Variants in UNC5C observed in about 807,000 individuals in gnomAD.
The protein encoded by UNC5C is unc-5 netrin receptor C, also known as netrin receptor UNC5C.
A neutral mutation model predicts 99.8 loss-of-function variants in UNC5C; 47 were observed. That is an observed-to-expected ratio of 0.47 (90% CI 0.37 to 0.60). The LOEUF (loss-of-function observed/expected upper bound fraction) is 0.60. Among genes scored for constraint, UNC5C ranks in the 20% least tolerant of loss-of-function variants. The pLI is 0.00. For synonymous variants in UNC5C, 487 were observed against 452.2 expected (o/e 1.08, Z -0.98); for missense variants, 1,062 against 1,165.9 (o/e 0.91, Z 1.30).
intron 4 of UNC5C, among the ~76,000 whole-genome samples, chr4:95,273,629 A>C (rs1740744956): frequency 6.6e-6 from 1 of 152,230 alleles, no homozygotes; most frequent in South Asian, 2.1e-4. Context: ...GGAAGAAAAC[A>C]ATCACATTTT....
At chr4:95,539,540 G>A (rs970281424) in intron 1 of UNC5C, among the ~76,000 whole-genome samples, 1 of 152,138 alleles carries the variant, frequency 6.6e-6, no homozygotes, top group African/African-American at 2.4e-5. Flanking sequence ...TGTTTTATAA[G>A]TTAAAAAGTT....
At chr4:95,330,967 C>T (rs1743088720) in intron 2 of UNC5C, among the ~76,000 whole-genome samples, 1 of 152,072 alleles carries the variant, frequency 6.6e-6, no homozygotes, top group African/African-American at 2.4e-5. Context: ...ACCCCCCTCA[C>T]CCACCTGCAT....
chr4:95,466,167 G>A (rs948037155), intron 1 of UNC5C, among the ~76,000 whole-genome samples: 4 of 152,100 alleles, frequency 2.6e-5, no homozygotes, highest in Middle Eastern at 6.3e-3. Context: ...AAATGACAAG[G>A]TTCTGACATC....
intron 1 of UNC5C, among the ~76,000 whole-genome samples, chr4:95,460,464 G>A (rs1578175744): frequency 6.6e-6 from 1 of 152,082 alleles, no homozygotes; most frequent in East Asian, 1.9e-4. Flanking sequence ...GACCTGCTGG[G>A]AGATAACTGA....
At chr4:95,346,966 G>A (rs1743798424) in intron 1 of UNC5C, among the ~76,000 whole-genome samples, 1 of 151,928 alleles carries the variant, frequency 6.6e-6, no homozygotes, top group Non-Finnish European at 1.5e-5. Flanking sequence ...TGGAAAGAAA[G>A]AAGTCAAATT....
chr4:95,212,495 T>C (rs1009071461), intron 10 of UNC5C, among the ~76,000 whole-genome samples: 10 of 152,348 alleles, frequency 6.6e-5, no homozygotes, highest in African/African-American at 2.4e-4. Context: ...AGTACTGTGC[T>C]AGATGCAAAC....
chr4:95,191,171 G>A (rs774905995), intron 12 of UNC5C, among the ~76,000 whole-genome samples: 27 of 152,092 alleles, frequency 1.8e-4, no homozygotes, highest in Non-Finnish European at 2.6e-4. Context: ...CCTCCACTCT[G>A]GTCTGTCCAG....
At chr4:95,178,340 A>G (rs776741618) in intron 14 of UNC5C, among the ~76,000 whole-genome samples, 2 of 152,218 alleles carry the variant, frequency 1.3e-5, no homozygotes, top group African/African-American at 4.8e-5. Flanking sequence ...CTGGGCGAGC[A>G]TACCCTAGGC....
chr4:95,530,396 A>G (rs1424983267), intron 1 of UNC5C, among the ~76,000 whole-genome samples: 3 of 152,242 alleles, frequency 2.0e-5, no homozygotes, highest in African/African-American at 7.2e-5. Context: ...TCAGTTCCAC[A>G]AAGTTCATTC....
chr4:95,463,835 G>T (rs1338303093), intron 1 of UNC5C, among the ~76,000 whole-genome samples: 4 of 152,194 alleles, frequency 2.6e-5, no homozygotes, highest in Admixed American at 1.3e-4. Flanking sequence ...AACAGGTCTT[G>T]CCCCCTAGGA....
chr4:95,357,573 A>C (rs1284148807), intron 1 of UNC5C, among the ~76,000 whole-genome samples: 2 of 152,130 alleles, frequency 1.3e-5, no homozygotes, highest in Admixed American at 6.5e-5. Context: ...GCTTGAGCCC[A>C]GCAGTTCGAG....
At chr4:95,372,729 C>G (rs190025488) in intron 1 of UNC5C, among the ~76,000 whole-genome samples, 1 of 152,110 alleles carries the variant, frequency 6.6e-6, no homozygotes, top group Admixed American at 6.6e-5. Context: ...CACTTACAGG[C>G]AGAACGAATG....
chr4:95,485,667 T>C (rs1721307887), intron 1 of UNC5C, among the ~76,000 whole-genome samples: 1 of 151,828 alleles, frequency 6.6e-6, no homozygotes, highest in South Asian at 2.1e-4. Context: ...ATATAAATTA[T>C]ATCTTGATAT....
intron 7 of UNC5C, among the ~76,000 whole-genome samples, chr4:95,223,602 C>A (rs1255942032): frequency 6.6e-6 from 1 of 152,104 alleles, no homozygotes; most frequent in Non-Finnish European, 1.5e-5. Context: ...ATTTTTAATG[C>A]CTTATTTTAG....
At chr4:95,252,469 A>AT (rs1403762654) in intron 4 of UNC5C, among the ~76,000 whole-genome samples, 2 of 152,108 alleles carry the variant, frequency 1.3e-5, no homozygotes, top group Non-Finnish European at 1.5e-5. Context: ...TTTGCCAAGG[A>AT]TTTTTTATAA....
chr4:95,398,561 C>T lies in UNC5C; in HGVS notation c.125-62930G>A, dbSNP rs1344285820. On this transcript the variant is annotated intron_variant, in intron 1 of 15. Coordinates refer to ENST00000453304, the MANE Select transcript of UNC5C (RefSeq NM_003728.4). ...ATCATTCTAAGCCATTGTTGACTTG[C>T]TAATACTGTCCATTTGAAAATAAAA... 3.9e-5 allele frequency among the ~76,000 whole-genome samples: 6 copies of T among 152,122 alleles called. No individual in the cohort carries two copies. In the East Asian group the frequency reaches 1.2e-3, roughly 29 times the overall value.
chr4:95,430,469 A>G (rs1340671702), intron 1 of UNC5C, among the ~76,000 whole-genome samples: 1 of 152,120 alleles, frequency 6.6e-6, no homozygotes, highest in African/African-American at 2.4e-5. Flanking sequence ...TCAATTACCT[A>G]TTAGAAAAGA....
At chr4:95,505,315 G>A (rs976495521) in intron 1 of UNC5C, among the ~76,000 whole-genome samples, 7 of 152,182 alleles carry the variant, frequency 4.6e-5, no homozygotes, top group Non-Finnish European at 8.8e-5. Flanking sequence ...GTCTTTATGA[G>A]CGAGCAGTCA....
At position 95,219,024 on chromosome 4, in the gene UNC5C, A is replaced by C. The variant is rs369513609; in HGVS notation, c.1590T>G (p.Cys530Trp). Residue 530 changes from cysteine to tryptophan, a missense_variant, in exon 9 of 16, where the codon TGT becomes TGG. Transcript: ENST00000453304. ...QSLARQTDPS[C>W]TAFGSFNSLG... The stretch of plus-strand genomic sequence containing the variant: ...GCGAGTTGAAGCTGCCAAATGCGGT[A>C]CAGGATGGATCAGTCTGCCTTGCTA... The C allele has an allele frequency of 2.2e-5, 35 of 1,614,036 alleles. No individual in the cohort carries two copies. Among genetic ancestry groups the C allele is most frequent in the Middle Eastern group, 1.6e-4 (1 of 6,082 alleles).
Sources: gnomAD v4.1 joint callset for allele counts (sites outside exome capture counted in the v4.1 genomes callset) on GRCh38, gnomAD v4.1.1 for gene constraint, MANE v1.5 for transcripts, NCBI Gene and HGNC (gene_info 2026-07-23, HGNC 2026-07-21) for gene names.